TDRD12: variants seen among roughly 807,000 people sequenced by gnomAD.
TDRD12 encodes putative ATP-dependent RNA helicase TDRD12.
A neutral mutation model predicts 133.5 loss-of-function variants in TDRD12; 158 were observed. The ratio of observed to expected loss-of-function variants is 1.18; its 90% CI spans 1.04 to 1.35. TDRD12 has a LOEUF of 1.35. Among genes scored for constraint, TDRD12 ranks in the 40% most tolerant of loss-of-function variants. The probability of loss-of-function intolerance (pLI) is 0.00; values close to 1 mark genes in which losing one functional copy is unlikely to be tolerated. For synonymous variants in TDRD12, 460 were observed against 477.9 expected (o/e 0.96, Z 0.49); for missense variants, 1,443 against 1,321.3 (o/e 1.09, Z -1.43).
intron 10 of TDRD12, among the ~76,000 whole-genome samples, chr19:32,774,228 TTTACATATA>T (rs1299872666): frequency 6.6e-5 from 10 of 152,246 alleles, no homozygotes; most frequent in Non-Finnish European, 1.3e-4. Flanking sequence ...ATGTTGTACT[TTTACATATA>T]TCATAAATGC....
intron 2 of TDRD12, among the ~76,000 whole-genome samples, chr19:32,734,498 G>T (rs953831203): frequency 4.6e-5 from 7 of 151,694 alleles, no homozygotes; most frequent in Non-Finnish European, 7.4e-5. Context: ...AGCCTCCCAA[G>T]TGGCTAGGAC....
intron 11 of TDRD12, among the ~76,000 whole-genome samples, chr19:32,784,373 G>A (rs987072241): frequency 6.6e-6 from 1 of 152,136 alleles, no homozygotes; most frequent in Non-Finnish European, 1.5e-5. Context: ...TTTTTGATGT[G>A]CTGCTGGATT....
At chr19:32,798,920 G>T (rs1971306999) in intron 16 of TDRD12, among the ~76,000 whole-genome samples, 1 of 152,198 alleles carries the variant, frequency 6.6e-6, no homozygotes, top group African/African-American at 2.4e-5. Flanking sequence ...AAGGGCCACC[G>T]CTTCCTGTTC....
chr19:32,821,260 C>T lies in TDRD12; in HGVS notation c.*77C>T, dbSNP rs1326532805. On this transcript the variant is annotated 3_prime_UTR_variant, in exon 28 of 28. Transcript: ENST00000444215. ...AGAAGATGACATAAACTGATATCAC[C>T]TAACTGTTCTTATTTTTGACAGGTC... 5.7e-6 allele frequency: 5 copies of T among 875,512 alleles called. No individual in the cohort carries two copies. The South Asian group carries it at 7.0e-5, about 12-fold the overall frequency. 54.2% of individuals were successfully genotyped at this position (875,512 alleles called of 1,614,324 possible).
At chr19:32,738,856 G>C (rs1038900627) in exon 3 of TDRD12, 7 of 1,550,422 alleles carry the variant, frequency 4.5e-6, no homozygotes, top group Admixed American at 3.9e-5. Context: ...TATTTTGCAG[G>C]TGTGTGTGGT....
chr19:32,761,619 C>T (rs189177293), intron 8 of TDRD12, among the ~76,000 whole-genome samples: 2 of 152,254 alleles, frequency 1.3e-5, no homozygotes, highest in African/African-American at 4.8e-5. Context: ...AGGATGTGAG[C>T]ATCTTTTCAT....
intron 1 of TDRD12, among the ~76,000 whole-genome samples, chr19:32,721,447 G>T (rs1413678341): frequency 1.3e-5 from 2 of 152,060 alleles, no homozygotes; most frequent in Non-Finnish European, 2.9e-5. Flanking sequence ...GTGCAGTGGT[G>T]TGACCTCAGC....
intron 17 of TDRD12, 47 bp downstream of exon 17, chr19:32,800,405 G>T: frequency 7.5e-7 from 1 of 1,330,506 alleles, no homozygotes; most frequent in Non-Finnish European, 9.9e-7. Context: ...GTGTGTGTAT[G>T]TGTTGGTGGG....
At chr19:32,812,144 G>C (rs1482450437) in intron 24 of TDRD12, among the ~76,000 whole-genome samples, 2 of 152,144 alleles carry the variant, frequency 1.3e-5, no homozygotes, top group Non-Finnish European at 2.9e-5. Context: ...ACAGAAGAGG[G>C]CTCCATGCGG....
intron 19 of TDRD12, 143 bp from the exon 20 acceptor site, chr19:32,802,513 A>C: frequency 1.0e-6 from 1 of 990,228 alleles, no homozygotes; most frequent in Non-Finnish European, 1.4e-6. Flanking sequence ...ATTTTGGGGA[A>C]AAAAATGGGG....
chr19:32,748,395 C>A lies in TDRD12; in HGVS notation c.441-81C>A, dbSNP rs1417039958. On this transcript the variant is annotated intron_variant, in intron 4 of 27. Transcript: ENST00000444215. ...TTCCATATGTAGTGTGAGAAATGTCCAGTGCATGGTTTACAAAATGCTGTT... is the reference window on the plus strand; with the variant it reads ...TTCCATATGTAGTGTGAGAAATGTCAAGTGCATGGTTTACAAAATGCTGTT... The A allele has an allele frequency of 4.4e-6, 6 of 1,351,182 alleles. No individual in the cohort carries two copies. In the Admixed American group the frequency reaches 8.7e-5, roughly 20 times the overall value. The allele number at this position is 1,351,182 out of a possible 1,614,324, so 83.7% of individuals were successfully genotyped here.
At chr19:32,723,690 T>A (rs563006757) in intron 1 of TDRD12, among the ~76,000 whole-genome samples, 2 of 151,024 alleles carry the variant, frequency 1.3e-5, no homozygotes, top group East Asian at 3.9e-4. Flanking sequence ...AAAACCATGC[T>A]GGAATGGAGT....
At chr19:32,779,872 G>A (rs1283575167) in intron 11 of TDRD12, among the ~76,000 whole-genome samples, 1 of 152,072 alleles carries the variant, frequency 6.6e-6, no homozygotes, top group Admixed American at 6.5e-5. Context: ...GTACCTGCTT[G>A]CCACTCACGT....
exon 10 of TDRD12, chr19:32,827,377 T>TTTC: frequency 1.9e-4 from 29 of 151,666 alleles, no homozygotes; most frequent in East Asian, 5.9e-4. Flanking sequence ...CTTTTCTTTT[T>TTTC]TTTTTTTTTT....
chr19:32,797,638 G>C (rs1971268184), intron 14 of TDRD12, 97 bp from the exon 15 acceptor site: 1 of 548,382 alleles, frequency 1.8e-6, no homozygotes, highest in Admixed American at 3.2e-5. Context: ...AACTTACGGG[G>C]TGCTGCTTCT....
chr19:32,813,533 G>A, intron 24 of TDRD12, 151 bp from the exon 25 acceptor site: 1 of 569,066 alleles, frequency 1.8e-6, no homozygotes. Flanking sequence ...TTAGCCTTGT[G>A]GACGAGAGGG....
At chr19:32,789,788 G>C (rs1485539620) in intron 11 of TDRD12, among the ~76,000 whole-genome samples, 1 of 152,178 alleles carries the variant, frequency 6.6e-6, no homozygotes, top group East Asian at 1.9e-4. Context: ...TTCACCTGAG[G>C]TCAGGAGTTC....
chr19:32,803,003 G>A (rs986839971), exon 21 of TDRD12: 143 of 1,535,988 alleles, frequency 9.3e-5, no homozygotes, highest in Middle Eastern at 1.7e-4. Flanking sequence ...TGCGGTGGGC[G>A]TCCTGCGCTA....
At chr19:32,798,495 A>G in intron 16 of TDRD12, 60 bp downstream of exon 16, 1 of 1,400,642 alleles carries the variant, frequency 7.1e-7, no homozygotes, top group Non-Finnish European at 9.5e-7. Context: ...ATGCTAACTG[A>G]TGGCAGGAAG....
Sources: gnomAD v4.1 joint callset for allele counts (sites outside exome capture counted in the v4.1 genomes callset) on GRCh38, gnomAD v4.1.1 for gene constraint, MANE v1.5 for transcripts, NCBI Gene and HGNC (gene_info 2026-07-23, HGNC 2026-07-21) for gene names.